The following SDK1 variants were observed in gnomAD, a reference collection of about 807,000 sequenced individuals.
SDK1 encodes sidekick cell adhesion molecule 1, also known as protein sidekick-1.
A neutral mutation model predicts 245.5 loss-of-function variants in SDK1; 157 were observed. That is an observed-to-expected ratio of 0.64 (90% CI 0.56 to 0.73). The LOEUF (loss-of-function observed/expected upper bound fraction) is 0.73, where lower values mean the gene tolerates loss of function less well. Ranked by LOEUF, SDK1 falls within the 30% of genes least tolerant of loss-of-function variation. The pLI is 0.00. For synonymous variants in SDK1, 1,647 were observed against 1,278.5 expected (o/e 1.29, Z -6.15); for missense variants, 3,583 against 3,002.3 (o/e 1.19, Z -4.52).
chr7:3,382,633 G>T (rs918782143), intron 1 of SDK1, among the ~76,000 whole-genome samples: 9 of 152,028 alleles, frequency 5.9e-5, no homozygotes, highest in African/African-American at 2.2e-4. Flanking sequence ...TCATGTTTTT[G>T]AATATGATAA....
rs574137613 is a variant in SDK1, at chr7:3,338,611, AAAAC to A, written c.298+36747_298+36750del. The stretch of plus-strand genomic sequence containing the variant: ...TGAATCCATGGCATGATAGGTGTTA[AAAAC>A]AAACAAACAAACAAACAAAAAAAAA... On this transcript the variant is annotated intron_variant, in intron 1 of 44. Coordinates refer to ENST00000404826, the MANE Select transcript of SDK1 (RefSeq NM_152744.4). The A allele has an allele frequency of 2.4e-3, 475 of 199,320 alleles. 2 individuals carry two copies. Among genetic ancestry groups the A allele is most frequent in the African/African-American group, 8.8e-3 (310 of 35,358 alleles). 12.3% of individuals were successfully genotyped at this position (199,320 alleles called of 1,614,324 possible).
intron 1 of SDK1, among the ~76,000 whole-genome samples, chr7:3,434,021 T>G (rs991307879): frequency 1.3e-5 from 2 of 152,170 alleles, no homozygotes; most frequent in Non-Finnish European, 2.9e-5. Context: ...ATCTGATGAT[T>G]TAAAGTAGTG....
chr7:3,510,522 A>C (rs1259866237), intron 1 of SDK1, among the ~76,000 whole-genome samples: 4 of 152,206 alleles, frequency 2.6e-5, no homozygotes, highest in African/African-American at 9.7e-5. Context: ...GAGCCCTCAG[A>C]ATGAAGACCC....
intron 1 of SDK1, among the ~76,000 whole-genome samples, chr7:3,337,181 A>T (rs368732406): frequency 6.6e-6 from 1 of 152,234 alleles, no homozygotes; most frequent in East Asian, 1.9e-4. Flanking sequence ...CTTTTGAAAC[A>T]AAACATTAGA....
intron 1 of SDK1, among the ~76,000 whole-genome samples, chr7:3,420,814 A>G (rs1386079916): frequency 6.6e-6 from 1 of 152,162 alleles, no homozygotes; most frequent in African/African-American, 2.4e-5. Flanking sequence ...ACATAGATAA[A>G]CATGTACCAT....
At chr7:3,852,114 GC>G (rs1780432452) in intron 5 of SDK1, among the ~76,000 whole-genome samples, 1 of 151,974 alleles carries the variant, frequency 6.6e-6, no homozygotes, top group Admixed American at 6.6e-5. Context: ...TAGAGGACCG[GC>G]CTCAGTGCCA....
chr7:3,580,224 A>T (rs1457620848), intron 1 of SDK1, among the ~76,000 whole-genome samples: 3 of 152,242 alleles, frequency 2.0e-5, no homozygotes, highest in Non-Finnish European at 4.4e-5. Context: ...TACCCAAAGC[A>T]GTATACAGAT....
chr7:3,775,667 C>T (rs1460971650), intron 4 of SDK1, among the ~76,000 whole-genome samples: 1 of 151,578 alleles, frequency 6.6e-6, no homozygotes, highest in Non-Finnish European at 1.5e-5. Flanking sequence ...AGCTCTGCTT[C>T]CCGGGTTCAC....
chr7:3,709,549 T>G (rs976701589), intron 4 of SDK1, among the ~76,000 whole-genome samples: 11 of 152,248 alleles, frequency 7.2e-5, no homozygotes, highest in African/African-American at 2.7e-4. Context: ...GCCTGCTGCT[T>G]CTTTCAAAGG....
At chr7:3,852,432 T>A (rs1173476749) in intron 5 of SDK1, among the ~76,000 whole-genome samples, 1 of 151,984 alleles carries the variant, frequency 6.6e-6, no homozygotes, top group Non-Finnish European at 1.5e-5. Flanking sequence ...TTTAAAAGTT[T>A]ATTTAAATCT....
At position 4,130,061 on chromosome 7, in the gene SDK1, A is replaced by T; in HGVS notation, c.4093A>T (p.Ser1365Cys). The change falls in exon 27 of 45, where the codon AGC becomes TGC. Residue 1365 changes from serine to cysteine, a missense_variant. Physicochemically the swap from Ser to Cys is moderately radical, Grantham distance 112. Transcript: ENST00000404826. ...CACCCGCATCGGGAACGGGGTCCCCAGCACGCCCCTCATCCTGGAGCGCAC... is the reference window on the plus strand; with the variant it reads ...CACCCGCATCGGGAACGGGGTCCCCTGCACGCCCCTCATCCTGGAGCGCAC... The part of the protein sequence containing the change: ...AFTRIGNGVP[S>C]TPLILERTKD... 6.2e-7 allele frequency: 1 copy of T among 1,611,506 alleles called. No homozygotes were observed. Among genetic ancestry groups the T allele is most frequent in the Non-Finnish European group, 8.5e-7 (1 of 1,178,600 alleles).
intron 1 of SDK1, among the ~76,000 whole-genome samples, chr7:3,482,028 A>G (rs1224607513): frequency 6.6e-6 from 1 of 152,146 alleles, no homozygotes; most frequent in Non-Finnish European, 1.5e-5. Flanking sequence ...AAAACATATA[A>G]AAATGTCAAA....
At chr7:3,418,701 C>T (rs934444065) in intron 1 of SDK1, among the ~76,000 whole-genome samples, 1 of 152,098 alleles carries the variant, frequency 6.6e-6, no homozygotes, top group Admixed American at 6.6e-5. Flanking sequence ...GTGCCATGGG[C>T]AGATACATCG....
chr7:3,533,281 A>G (rs1400698988), intron 1 of SDK1, among the ~76,000 whole-genome samples: 1 of 152,186 alleles, frequency 6.6e-6, no homozygotes, highest in African/African-American at 2.4e-5. Context: ...AGTACTGACA[A>G]GGCTGAAGGA....
At chr7:3,362,595 A>G (rs1235640490) in intron 1 of SDK1, among the ~76,000 whole-genome samples, 1 of 152,154 alleles carries the variant, frequency 6.6e-6, no homozygotes, top group Non-Finnish European at 1.5e-5. Context: ...TTCTTTTCAA[A>G]CTTCTGAAGA....
At chr7:4,216,858 G>A (rs1293096334) in intron 38 of SDK1, among the ~76,000 whole-genome samples, 3 of 152,200 alleles carry the variant, frequency 2.0e-5, no homozygotes, top group African/African-American at 7.2e-5. Flanking sequence ...TGTGAACACA[G>A]TCGTGGCTCA....
chr7:4,077,132 A>G lies in SDK1; in HGVS notation c.3145A>G (p.Thr1049Ala), dbSNP rs763641086. Reference sequence around the variant, plus strand: ...CTACACCATCGACGTGGCCGCTGTGACTGCCGTGGGCACTGGCCTGGTGAC... The same window carrying G: ...CTACACCATCGACGTGGCCGCTGTGGCTGCCGTGGGCACTGGCCTGGTGAC... ...TTYTIDVAAV[T>A]AVGTGLVTSS... The change falls in exon 21 of 45, where the codon ACT becomes GCT. Residue 1049 changes from threonine to alanine, a missense_variant. Physicochemically the swap from Thr to Ala is moderately conservative, Grantham distance 58. Transcript: ENST00000404826. 4 of 1,614,204 alleles carry G rather than the reference A, an allele frequency of 2.5e-6. No homozygotes were observed. Among genetic ancestry groups the G allele is most frequent in the Non-Finnish European group, 3.4e-6 (4 of 1,180,040 alleles).
intron 4 of SDK1, among the ~76,000 whole-genome samples, chr7:3,804,730 C>A (rs1779197117): frequency 6.6e-6 from 1 of 152,056 alleles, no homozygotes; most frequent in Admixed American, 6.6e-5. Context: ...ACTTTGATTT[C>A]TTTCTTTAGT....
At position 3,681,633 on chromosome 7, in the gene SDK1, C is replaced by G. The variant is rs1219319105; in HGVS notation, c.713+39528C>G. Among the ~76,000 whole-genome samples, 4 of 152,204 alleles carry G rather than the reference C, an allele frequency of 2.6e-5. 1 individual carries two copies. Among genetic ancestry groups the G allele is most frequent in the Admixed American group, 2.0e-4 (3 of 15,276 alleles). On this transcript the variant is annotated intron_variant, in intron 4 of 44. Transcript: ENST00000404826. ...AGTGTATATTATGTGTCTCCCATCA[C>G]TAAAATATAAGCTCCAAAGATCATG...
Sources: gnomAD v4.1 joint callset for allele counts (sites outside exome capture counted in the v4.1 genomes callset) on GRCh38, gnomAD v4.1.1 for gene constraint, MANE v1.5 for transcripts, NCBI Gene and HGNC (gene_info 2026-07-23, HGNC 2026-07-21) for gene names.